Variants in USP4 observed in about 807,000 individuals in gnomAD.
USP4 encodes ubiquitin specific peptidase 4.
Under a neutral mutation model 118.2 loss-of-function variants are expected in USP4, and 72 were observed. The ratio of observed to expected loss-of-function variants is 0.61; its 90% CI spans 0.50 to 0.74. The LOEUF (loss-of-function observed/expected upper bound fraction) is 0.74, where lower values mean the gene tolerates loss of function less well. Ranked by LOEUF, USP4 falls within the 30% of genes least tolerant of loss-of-function variation. The probability of loss-of-function intolerance (pLI) is 0.00; values close to 1 mark genes in which losing one functional copy is unlikely to be tolerated. For synonymous variants in USP4, 415 were observed against 440.4 expected (o/e 0.94, Z 0.72); for missense variants, 1,037 against 1,185.7 (o/e 0.87, Z 1.84).
At chr3:49,304,650 A>G (rs923709049) in intron 9 of USP4, among the ~76,000 whole-genome samples, 41 of 152,074 alleles carry the variant, frequency 2.7e-4, no homozygotes, top group Non-Finnish European at 1.5e-4. Context: ...GTACAGTGGC[A>G]CAATCACAGC....
At chr3:49,293,478 AAACAAAC>A in intron 14 of USP4, 1 of 154,822 alleles carries the variant, frequency 6.5e-6, no homozygotes, top group Non-Finnish European at 1.4e-5. Context: ...ACAAACAAAC[AAACAAAC>A]AACAACAACA....
Position 49,278,905 on chromosome 3 carries a change from G to C in USP4, c.2645-3C>G, listed in dbSNP as rs752481132. On this transcript the variant is annotated splice_region_variant and splice_polypyrimidine_tract_variant and intron_variant, in intron 20 of 21. Transcript: ENST00000265560. ...TTTGTTCTTCGCATATGCAGTGTCT[G>C]CCAAGTCAACAAAGAAAATACTCTA... 1 of 1,601,408 alleles carries C rather than the reference G, an allele frequency of 6.2e-7. No individual in the cohort carries two copies. Among genetic ancestry groups the C allele is most frequent in the Non-Finnish European group, 8.5e-7 (1 of 1,172,632 alleles).
intron 15 of USP4, among the ~76,000 whole-genome samples, chr3:49,288,290 T>C (rs1172663731): frequency 1.3e-5 from 2 of 152,206 alleles, no homozygotes; most frequent in Admixed American, 1.3e-4. Flanking sequence ...CTCATACTTA[T>C]AAGAACTCTG....
At chr3:49,283,162 T>G (rs547802458) in intron 19 of USP4, among the ~76,000 whole-genome samples, 1 of 151,076 alleles carries the variant, frequency 6.6e-6, no homozygotes, top group Admixed American at 6.6e-5. Flanking sequence ...ACCACAGGTG[T>G]GCGCCACCAC....
In USP4 at chr3:49,278,255, C is replaced by A. The variant is rs201910870; in HGVS notation, c.*38G>T. ...TCAAAGATGTTCTCCTGGGGGATTA[C>A]ACTGGCGCTACAGGGTGGCAGGATC... On this transcript the variant is annotated 3_prime_UTR_variant, in exon 22 of 22. Coordinates refer to ENST00000265560, the MANE Select transcript of USP4 (RefSeq NM_003363.4). The A allele has an allele frequency of 1.0e-5, 16 of 1,601,982 alleles. No individual in the cohort carries two copies. The highest frequency in any genetic ancestry group is 4.2e-4 in the Middle Eastern group (2 of 4,792).
At chr3:49,318,419 T>G (rs1344390221) in intron 6 of USP4, 1 of 985,354 alleles carries the variant, frequency 1.0e-6, no homozygotes, top group Non-Finnish European at 1.2e-6. Context: ...CTGGCAACCT[T>G]AAAGGGCCTT....
rs1483556637 is a variant in USP4 at position 49,285,923 on chromosome 3, G to A, written c.2200+175C>T. Among the ~76,000 whole-genome samples the A allele has an allele frequency of 2.0e-5, 3 of 152,216 alleles. No individual in the cohort carries two copies. In the East Asian group the frequency reaches 5.8e-4, roughly 29 times the overall value. On this transcript the variant is annotated intron_variant, in intron 16 of 21. Coordinates refer to ENST00000265560, the MANE Select transcript of USP4 (RefSeq NM_003363.4). ...AGGACTGAGGAGAAAAGCCTGAAAG[G>A]TAGGGGGATCTCTGAAACAGTCCTT...
intron 14 of USP4, among the ~76,000 whole-genome samples, chr3:49,293,321 T>C (rs773271349): frequency 1.3e-5 from 2 of 152,020 alleles, no homozygotes; most frequent in Non-Finnish European, 2.9e-5. Context: ...GAGACTAGCC[T>C]GGCCAACACG....
chr3:49,293,287 A>C (rs951525898), intron 14 of USP4, among the ~76,000 whole-genome samples: 1 of 151,816 alleles, frequency 6.6e-6, no homozygotes, highest in Admixed American at 6.6e-5. Context: ...CTGAGATGGG[A>C]GTGTCACTTG....
At chr3:49,280,494 G>A (rs1385574930) in intron 20 of USP4, among the ~76,000 whole-genome samples, 4 of 150,182 alleles carry the variant, frequency 2.7e-5, no homozygotes, top group Admixed American at 6.7e-5. Context: ...CTGGGAGGCA[G>A]AGCTTGCAGT....
At chr3:49,320,322 A>G (rs1263077062) in intron 6 of USP4, among the ~76,000 whole-genome samples, 1 of 152,124 alleles carries the variant, frequency 6.6e-6, no homozygotes, top group African/African-American at 2.4e-5. Context: ...CATGCCTGTA[A>G]TCCCAGCTAC....
At chr3:49,286,637 A>G (rs2047092910) in intron 15 of USP4, among the ~76,000 whole-genome samples, 1 of 151,762 alleles carries the variant, frequency 6.6e-6, no homozygotes, top group African/African-American at 2.4e-5. Flanking sequence ...ATGGTCTCTC[A>G]CTCTTGCAAC....
chr3:49,325,407 G>A (rs1037536284), intron 4 of USP4, among the ~76,000 whole-genome samples: 2 of 151,954 alleles, frequency 1.3e-5, no homozygotes, highest in Non-Finnish European at 2.9e-5. Context: ...CCAGGCTGCA[G>A]TGCAGTGGTG....
rs765035760 is a variant in USP4, at chr3:49,280,765, CATA to C, written c.2620_2622del (p.Tyr874del). The C allele has an allele frequency of 6.2e-7, 1 of 1,614,066 alleles. No individual in the cohort carries two copies. Among genetic ancestry groups the C allele is most frequent in the South Asian group, 1.1e-5 (1 of 91,086 alleles). ...TTACAGTGGCCAACCCCCATGGCTC[CATA>C]ATGATTGGACACGGCAATGAGGTCG... On this transcript the variant is annotated inframe_deletion, in exon 20 of 22. Coordinates refer to ENST00000265560, the MANE Select transcript of USP4 (RefSeq NM_003363.4).
chr3:49,311,744 AT>A (rs1236144969), intron 6 of USP4, 90 bp from the exon 7 acceptor site: 18 of 1,504,130 alleles, frequency 1.2e-5, no homozygotes, highest in Non-Finnish European at 1.5e-5. Flanking sequence ...AGGAATAAAT[AT>A]TCTTCATATT....
At chr3:49,292,974 G>A (rs553912553) in intron 14 of USP4, among the ~76,000 whole-genome samples, 1 of 152,194 alleles carries the variant, frequency 6.6e-6, no homozygotes, top group Non-Finnish European at 1.5e-5. Context: ...AGGTTGCAGT[G>A]AGCCGAGATC....
Position 49,294,403 on chromosome 3 carries a change from C to A in USP4, c.1883+4G>T. ...AACAACCAAATCACATTCCTGCCAC[C>A]AACCTGATACGATCACAAACAGCCT... On this transcript the variant is annotated splice_donor_region_variant and intron_variant, in intron 14 of 21. Coordinates refer to ENST00000265560, the MANE Select transcript of USP4 (RefSeq NM_003363.4). The A allele has an allele frequency of 1.2e-5, 19 of 1,608,492 alleles. No individual in the cohort carries two copies. Among genetic ancestry groups the A allele is most frequent in the Non-Finnish European group, 1.6e-5 (19 of 1,176,542 alleles).
chr3:49,283,277 G>A (rs746757428), intron 19 of USP4, among the ~76,000 whole-genome samples: 2 of 151,650 alleles, frequency 1.3e-5, no homozygotes, highest in Non-Finnish European at 2.9e-5. Flanking sequence ...GCCTCCCAAA[G>A]TGCTGGGATT....
At chr3:49,318,278 C>A in intron 6 of USP4, 1 of 978,748 alleles carries the variant, frequency 1.0e-6, no homozygotes, top group Non-Finnish European at 1.2e-6. Context: ...CTACAATAAA[C>A]TCTTAACAGT....
Sources: gnomAD v4.1 joint callset for allele counts (sites outside exome capture counted in the v4.1 genomes callset) on GRCh38, gnomAD v4.1.1 for gene constraint, MANE v1.5 for transcripts, NCBI Gene and HGNC (gene_info 2026-07-23, HGNC 2026-07-21) for gene names.